ARHGAP35: variants seen among roughly 807,000 people sequenced by gnomAD.
ARHGAP35 encodes rho GTPase-activating protein 35.
ARHGAP35 carries 15 observed loss-of-function variants against 111.1 expected under a neutral mutation model. That is an observed-to-expected ratio of 0.13 (90% CI 0.09 to 0.21). The LOEUF is 0.21. Ranked by LOEUF, ARHGAP35 falls within the 10% of genes least tolerant of loss-of-function variation. The probability of loss-of-function intolerance (pLI) is 1.00; values close to 1 mark genes in which losing one functional copy is unlikely to be tolerated. For missense variants in ARHGAP35, 1,262 were observed against 1,873.0 expected (o/e 0.67, Z 6.02); for synonymous variants, 643 against 710.3 (o/e 0.91, Z 1.51).
At chr19:46,865,153 TGAGGTGGTAGC>T (rs1427378933) in intron 1 of ARHGAP35, among the ~76,000 whole-genome samples, 6 of 152,198 alleles carry the variant, frequency 3.9e-5, no homozygotes, top group Non-Finnish European at 8.8e-5. Context: ...TACAGAAATG[TGAGGTGGTAGC>T]CTTGGCCTTC....
chr19:46,896,107 A>G (rs560513697), intron 1 of ARHGAP35, among the ~76,000 whole-genome samples: 4 of 152,216 alleles, frequency 2.6e-5, no homozygotes, highest in African/African-American at 9.6e-5. Flanking sequence ...CGTCTCAAAA[A>G]AAAAGCTATA....
At chr19:46,893,957 G>A (rs1464387948) in intron 1 of ARHGAP35, among the ~76,000 whole-genome samples, 2 of 144,956 alleles carry the variant, frequency 1.4e-5, no homozygotes, top group African/African-American at 5.1e-5. Flanking sequence ...TTATATTGGT[G>A]AAGGCTGCTT....
At chr19:46,976,589 C>T (rs1390821847) in intron 3 of ARHGAP35, among the ~76,000 whole-genome samples, 1 of 152,264 alleles carries the variant, frequency 6.6e-6, no homozygotes, top group African/African-American at 2.4e-5. Context: ...GCCTGGCTGT[C>T]CCGGCTGCAC....
rs1233535573 is a variant in ARHGAP35, at chr19:47,000,622, A to C, written c.4434A>C (p.Pro1478=). The part of the protein sequence containing the change: ...TSQPSPPQSP[P]PTPQSPMQPL... ...AGCCGTCGCCCCCACAGTCGCCTCC[A>C]CCCACCCCCCAGTCCCCAATGCAGC... Residue 1478 remains proline (P), a synonymous_variant, in exon 7 of 7, where the codon CCA becomes CCC. Coordinates refer to ENST00000672722, the MANE Select transcript of ARHGAP35 (RefSeq NM_004491.5). The surrounding 1 kb of genome is among the most constrained non-coding windows in gnomAD (Gnocchi z 6.9). 2.0e-5 allele frequency: 32 copies of C among 1,593,108 alleles called. No homozygotes were observed. Among genetic ancestry groups the C allele is most frequent in the Non-Finnish European group, 2.6e-5 (31 of 1,171,498 alleles).
At chr19:46,935,205 A>G (rs968831332) in intron 2 of ARHGAP35, among the ~76,000 whole-genome samples, 3 of 152,194 alleles carry the variant, frequency 2.0e-5, no homozygotes, top group African/African-American at 7.2e-5. Context: ...AGGAGCAGGT[A>G]TCTCACAGTG....
intron 1 of ARHGAP35, among the ~76,000 whole-genome samples, chr19:46,903,627 G>T (rs1473229058): frequency 6.6e-6 from 1 of 152,202 alleles, no homozygotes; most frequent in East Asian, 1.9e-4. Context: ...TGGAAGAGTA[G>T]GCCAGACCTG....
At chr19:46,939,372 C>T (rs990699336) in intron 3 of ARHGAP35, among the ~76,000 whole-genome samples, 1 of 145,318 alleles carries the variant, frequency 6.9e-6, no homozygotes, top group South Asian at 2.2e-4. Context: ...TGCACCTTTA[C>T]ATTTATTTAT....
chr19:46,977,300 G>A (rs895349672), intron 3 of ARHGAP35, among the ~76,000 whole-genome samples: 3 of 152,196 alleles, frequency 2.0e-5, no homozygotes, highest in Non-Finnish European at 2.9e-5. Flanking sequence ...TGAAGTTACC[G>A]GGAAGAAGGG....
intron 1 of ARHGAP35, among the ~76,000 whole-genome samples, chr19:46,890,348 T>G (rs1341480031): frequency 6.6e-6 from 1 of 152,234 alleles, no homozygotes; most frequent in African/African-American, 2.4e-5. Flanking sequence ...CTATTTGAAA[T>G]AATGATTACT....
Position 46,999,056 on chromosome 19 carries a change from C to A in ARHGAP35, c.4037-248C>A. 2 of 509,438 alleles carry A rather than the reference C, an allele frequency of 3.9e-6. No homozygotes were observed. The highest frequency in any genetic ancestry group is 7.0e-6 in the Non-Finnish European group (2 of 286,338). 31.6% of individuals were successfully genotyped at this position (509,438 alleles called of 1,614,324 possible). On this transcript the variant is annotated intron_variant, in intron 5 of 6. Transcript: ENST00000672722. This position sits in a 1 kb window ranked among gnomAD's most constrained non-coding sequence, Gnocchi z 5.4. ...ATTGTTCTGTCTTGGGTGGTGGGGGCCAGGAAGCCCCAGGCACACAGTGCC... is the reference window on the plus strand; with the variant it reads ...ATTGTTCTGTCTTGGGTGGTGGGGGACAGGAAGCCCCAGGCACACAGTGCC...
At chr19:46,972,292 G>A (rs889380471) in intron 3 of ARHGAP35, among the ~76,000 whole-genome samples, 5 of 152,254 alleles carry the variant, frequency 3.3e-5, no homozygotes, top group African/African-American at 1.2e-4. Context: ...TTACAGGCGT[G>A]AGCCACCGCT....
chr19:47,000,822 A>C lies in ARHGAP35; in HGVS notation c.*134A>C. 5.2e-6 allele frequency: 8 copies of C among 1,541,902 alleles called. No individual in the cohort carries two copies. Among genetic ancestry groups the C allele is most frequent in the Middle Eastern group, 1.7e-4 (1 of 5,988 alleles). On this transcript the variant is annotated 3_prime_UTR_variant, in exon 7 of 7. Transcript: ENST00000672722. This position sits in a 1 kb window ranked among gnomAD's most constrained non-coding sequence, Gnocchi z 6.9. ...CTCCCCATTACCTTCTCAAGACCTCAGTGGGAGCACCAGCCAATGGTACCA... is the reference window on the plus strand; with the variant it reads ...CTCCCCATTACCTTCTCAAGACCTCCGTGGGAGCACCAGCCAATGGTACCA...
chr19:47,000,769 C>T lies in ARHGAP35; in HGVS notation c.*81C>T. ...TTGGCCTTGAACAAAACCAAGTCCA[C>T]TGGGGACAGAGGCAGGGGCAAGTGG... is the stretch of plus-strand genomic sequence containing the variant. On this transcript the variant is annotated 3_prime_UTR_variant, in exon 7 of 7. Coordinates refer to ENST00000672722, the MANE Select transcript of ARHGAP35 (RefSeq NM_004491.5). This position sits in a 1 kb window ranked among gnomAD's most constrained non-coding sequence, Gnocchi z 6.9. The T allele has an allele frequency of 1.3e-6, 2 of 1,535,278 alleles. No homozygotes were observed. Among genetic ancestry groups the T allele is most frequent in the Non-Finnish European group, 1.8e-6 (2 of 1,138,752 alleles).
intron 1 of ARHGAP35, among the ~76,000 whole-genome samples, chr19:46,914,131 G>A (rs1432215859): frequency 6.6e-6 from 1 of 152,090 alleles, no homozygotes; most frequent in Non-Finnish European, 1.5e-5. Context: ...TCCAATTGAG[G>A]AACTAGTAAA....
Position 46,922,128 on chromosome 19 carries a change from C to T in ARHGAP35, c.3453C>T (p.Ile1151=). 5.0e-6 allele frequency: 8 copies of T among 1,613,982 alleles called. No individual in the cohort carries two copies. The highest frequency in any genetic ancestry group is 1.1e-5 in the South Asian group (1 of 91,078). Residue 1151 remains isoleucine (I), a synonymous_variant, in exon 2 of 7, where the codon ATC becomes ATT. Coordinates refer to ENST00000672722, the MANE Select transcript of ARHGAP35 (RefSeq NM_004491.5). This position sits in a 1 kb window ranked among gnomAD's most constrained non-coding sequence, Gnocchi z 4.0. ...SSLERGRKVS[I]VSKPVLYRTR... is the part of the protein sequence containing the mutation. ...TAGAGCGAGGGCGCAAGGTTTCCATCGTGAGCAAGCCAGTGCTGTACAGGA... is the reference window on the plus strand; with the variant it reads ...TAGAGCGAGGGCGCAAGGTTTCCATTGTGAGCAAGCCAGTGCTGTACAGGA...
chr19:46,920,593 A>G lies in ARHGAP35; in HGVS notation c.1918A>G (p.Ile640Val), dbSNP rs1297164807. Residue 640 changes from isoleucine to valine, a missense_variant, in exon 2 of 7, where the codon ATA (isoleucine) becomes GTA (valine). Around this residue, in one of 8 missense-constraint regions of ARHGAP35, gnomAD observed 37 missense variants for 83.9 expected, o/e 0.44. Coordinates refer to ENST00000672722, the MANE Select transcript of ARHGAP35 (RefSeq NM_004491.5). The surrounding 1 kb of genome is among the most constrained non-coding windows in gnomAD (Gnocchi z 7.0). ...AATGTATGAGCTTTCCCTGAGGCCA[A>G]TAGAGGGGAATGTCAGGCTTCCTGT... ...GKMYELSLRP[I>V]EGNVRLPVNS... 1.1e-5 allele frequency: 17 copies of G among 1,613,946 alleles called. No individual in the cohort carries two copies. Among genetic ancestry groups the G allele is most frequent in the East Asian group, 2.2e-5 (1 of 44,898 alleles).
At chr19:46,884,289 G>A (rs1211595661) in intron 1 of ARHGAP35, among the ~76,000 whole-genome samples, 1 of 151,980 alleles carries the variant, frequency 6.6e-6, no homozygotes, top group African/African-American at 2.4e-5. Flanking sequence ...TCCAGCCTGG[G>A]CAACAAAAAC....
At position 46,999,264 on chromosome 19, in the gene ARHGAP35, C is replaced by G. The variant is rs773246033; in HGVS notation, c.4037-40C>G. The G allele has an allele frequency of 3.4e-6, 5 of 1,452,212 alleles. No individual in the cohort carries two copies. Among genetic ancestry groups the G allele is most frequent in the African/African-American group, 2.8e-5 (2 of 70,980 alleles). The allele number at this position is 1,452,212 out of a possible 1,614,324, so 90.0% of individuals were successfully genotyped here. ...CACGCCCTGGGGTGGCCACCAGCCT[C>G]GGCCATGAAAGGCAAGGCTTTGGTT... On this transcript the variant is annotated intron_variant, in intron 5 of 6. Transcript: ENST00000672722. This position sits in a 1 kb window ranked among gnomAD's most constrained non-coding sequence, Gnocchi z 5.4.
At chr19:46,933,137 C>CTTTTTTTTTTT (rs1174653724) in intron 2 of ARHGAP35, among the ~76,000 whole-genome samples, 1 of 99,544 alleles carries the variant, frequency 1.0e-5, no homozygotes, top group Admixed American at 1.2e-4. Context: ...AGTGTGCCTT[C>CTTTTTTTTTTT]TTTTTTTTTT....
Sources: allele counts gnomAD v4.1 joint callset (sites outside exome capture counted in the v4.1 genomes callset), GRCh38; gene constraint gnomAD v4.1.1; regional missense constraint gnomAD v4.1.1; non-coding constraint Gnocchi (gnomAD v3.1); transcripts MANE v1.5; gene names NCBI Gene and HGNC (gene_info 2026-07-23, HGNC 2026-07-21).